Variants in TBC1D14 observed in about 807,000 individuals in gnomAD.
The protein encoded by TBC1D14 is TBC1 domain family member 14, also known as TBC1 domain family, member 14.
In TBC1D14, 26 loss-of-function variants were observed where a neutral mutation model predicts 79.0. That is an observed-to-expected ratio of 0.33 (90% CI 0.24 to 0.46). The LOEUF is 0.46. Among genes scored for constraint, TBC1D14 ranks in the 20% least tolerant of loss-of-function variants. The probability of loss-of-function intolerance (pLI) is 1.00; values close to 1 mark genes in which losing one functional copy is unlikely to be tolerated. For synonymous variants in TBC1D14, 394 were observed against 349.9 expected, an observed-to-expected ratio of 1.13 and a Z score of -1.40; for missense variants, 769 against 887.6, an observed-to-expected ratio of 0.87 and a Z score of 1.70.
At chr4:7,008,000 C>T (rs1032298281) in intron 9 of TBC1D14, among the ~76,000 whole-genome samples, 7 of 152,210 alleles carry the variant, frequency 4.6e-5, no homozygotes, top group Admixed American at 4.6e-4. Flanking sequence ...CACAGATTGC[C>T]TTCCCACTAG....
Position 6,923,353 on chromosome 4 carries a change from C to T in TBC1D14, c.-17-20C>T, listed in dbSNP as rs559729990. ...TGAATTTTATATCCACTTTAATTTCCATGTTTGTGTTTTTTCTAGTTTCTC... is the reference window on the plus strand; with the variant it reads ...TGAATTTTATATCCACTTTAATTTCTATGTTTGTGTTTTTTCTAGTTTCTC... On this transcript the variant is annotated intron_variant, in intron 1 of 13. Coordinates refer to ENST00000409757, the MANE Select transcript of TBC1D14 (RefSeq NM_020773.3). 6.4e-7 allele frequency: 1 copy of T among 1,563,144 alleles called. No homozygotes were observed. Among genetic ancestry groups the T allele is most frequent in the Non-Finnish European group, 8.6e-7 (1 of 1,156,144 alleles).
intron 7 of TBC1D14, among the ~76,000 whole-genome samples, chr4:7,003,849 A>T (rs1719913403): frequency 1.3e-5 from 2 of 152,152 alleles, no homozygotes; most frequent in Non-Finnish European, 1.5e-5. Flanking sequence ...TAAAAAAAAT[A>T]AAAAATTCAC....
intron 2 of TBC1D14, among the ~76,000 whole-genome samples, chr4:6,946,511 C>A (rs1444710532): frequency 6.6e-6 from 1 of 151,982 alleles, no homozygotes; most frequent in Non-Finnish European, 1.5e-5. Flanking sequence ...TTGGTAGAGA[C>A]GGGGTATCAT....
chr4:6,964,923 T>C (rs1715567404), intron 2 of TBC1D14, among the ~76,000 whole-genome samples: 5 of 152,236 alleles, frequency 3.3e-5, no homozygotes, highest in Admixed American at 3.3e-4. Context: ...GCTCCATTTG[T>C]TCTACTTCTC....
At chr4:6,983,281 T>A (rs1238953459) in intron 3 of TBC1D14, among the ~76,000 whole-genome samples, 1 of 152,024 alleles carries the variant, frequency 6.6e-6, no homozygotes, top group Admixed American at 6.6e-5. Context: ...CTTTAAAATA[T>A]ATATATATAT....
chr4:6,994,302 C>T lies in TBC1D14; in HGVS notation c.962C>T (p.Ala321Val), dbSNP rs771221755. ...GCACTCATCCTCGAGGACAGACCAGCGTGAGTTTAAGAAGACTCTCTTTAG... is the reference window on the plus strand; with the variant it reads ...GCACTCATCCTCGAGGACAGACCAGTGTGAGTTTAAGAAGACTCTCTTTAG... The part of the protein sequence containing the change: ...TTALILEDRP[A>V]NLPAKPAEEA... Residue 321 changes from alanine to valine, a missense_variant and splice_region_variant, in exon 4 of 14, where the codon GCA becomes GTA. Coordinates refer to ENST00000409757, the MANE Select transcript of TBC1D14 (RefSeq NM_020773.3). The T allele has an allele frequency of 6.2e-6, 10 of 1,613,150 alleles. No homozygotes were observed. Among genetic ancestry groups the T allele is most frequent in the African/African-American group, 1.3e-5 (1 of 74,992 alleles).
intron 2 of TBC1D14, among the ~76,000 whole-genome samples, chr4:6,948,309 A>G (rs954979636): frequency 6.6e-6 from 1 of 152,144 alleles, no homozygotes; most frequent in African/African-American, 2.4e-5. Context: ...GTCACCACAC[A>G]TGAGCTCTGC....
At chr4:6,962,827 C>T (rs564744772) in intron 2 of TBC1D14, among the ~76,000 whole-genome samples, 1 of 152,316 alleles carries the variant, frequency 6.6e-6, no homozygotes, top group East Asian at 1.9e-4. Context: ...GGGTTGCACT[C>T]CCGTTACCTG....
intron 2 of TBC1D14, among the ~76,000 whole-genome samples, chr4:6,924,524 C>T (rs1203699568): frequency 6.6e-6 from 1 of 152,198 alleles, no homozygotes; most frequent in Admixed American, 6.5e-5. Context: ...TGGCATAGTG[C>T]AGTGCTGGCA....
chr4:6,939,439 C>A (rs1445514397), intron 2 of TBC1D14, among the ~76,000 whole-genome samples: 1 of 152,038 alleles, frequency 6.6e-6, no homozygotes, highest in East Asian at 1.9e-4. Flanking sequence ...ATGCGCACCC[C>A]TCGAGGGACT....
rs1206989319 is a variant in TBC1D14 at position 6,924,909 on chromosome 4, T to C, written c.722+798T>C. Among the ~76,000 whole-genome samples the C allele has an allele frequency of 2.6e-5, 4 of 151,308 alleles. No individual in the cohort carries two copies. In the East Asian group the frequency reaches 7.7e-4, roughly 29 times the overall value. On this transcript the variant is annotated intron_variant, in intron 2 of 13. Transcript: ENST00000409757. ...GCTTGTGGCCTGGGGGTGGTGGGAG[T>C]GGACACCTTCGTCACACAAGCAAAT...
chr4:7,030,306 T>C (rs767555219), intron 13 of TBC1D14, 21 bp from the exon 14 acceptor site: 2 of 1,612,776 alleles, frequency 1.2e-6, no homozygotes, highest in South Asian at 1.1e-5. Flanking sequence ...TAACCTCAGC[T>C]GTCTTCCCTG....
rs1304635100 is a variant in TBC1D14 at position 6,923,453 on chromosome 4, C to T, written c.64C>T (p.Arg22Ter). Residue 22 changes from arginine (R) to a stop codon, truncating the protein, a stop_gained, in exon 2 of 14, where the codon CGA becomes TGA. Coordinates refer to ENST00000409757, the MANE Select transcript of TBC1D14 (RefSeq NM_020773.3). LOFTEE classifies it high-confidence loss of function. ...AGCCTTCATGGGTATTCTGGATGGT[C>T]GACCAGGAAACCCCCTTCAGAACCT... is the stretch of plus-strand genomic sequence containing the variant. ...GVAFMGILDGRPGNPLQNLQH... is the reference protein window; with the variant it reads ...GVAFMGILDG 3.1e-6 allele frequency: 5 copies of T among 1,614,124 alleles called. No homozygotes were observed. Among genetic ancestry groups the T allele is most frequent in the Non-Finnish European group, 4.2e-6 (5 of 1,180,028 alleles).
intron 12 of TBC1D14, among the ~76,000 whole-genome samples, chr4:7,019,231 A>G (rs1721574421): frequency 6.6e-6 from 1 of 152,158 alleles, no homozygotes; most frequent in Non-Finnish European, 1.5e-5. Flanking sequence ...TGTGTTAGCC[A>G]TGATGGTTTC....
At chr4:7,028,297 G>A (rs1302152134) in intron 13 of TBC1D14, among the ~76,000 whole-genome samples, 1 of 152,114 alleles carries the variant, frequency 6.6e-6, no homozygotes, top group Admixed American at 6.5e-5. Context: ...TAGGGACTAG[G>A]TAAAAACTAT....
rs535519544 is a variant in TBC1D14 at position 6,929,991 on chromosome 4, A to G, written c.722+5880A>G. Among the ~76,000 whole-genome samples, 4 of 152,330 alleles carry G rather than the reference A, an allele frequency of 2.6e-5. No individual in the cohort carries two copies. The South Asian group carries it at 8.3e-4, about 32-fold the overall frequency. On this transcript the variant is annotated intron_variant, in intron 2 of 13. Transcript: ENST00000409757. ...GTCCATGCTGTTTCTAAAAAAGACA[A>G]CACCCTGTCTCTTGTAACATGTGTA... is the stretch of plus-strand genomic sequence containing the variant.
intron 11 of TBC1D14, among the ~76,000 whole-genome samples, chr4:7,013,213 TG>T (rs1171249644): frequency 6.6e-6 from 1 of 152,240 alleles, no homozygotes; most frequent in East Asian, 1.9e-4. Flanking sequence ...GGATGTCCTG[TG>T]CGCTGGAGGA....
intron 2 of TBC1D14, among the ~76,000 whole-genome samples, chr4:6,955,426 A>T (rs1378259219): frequency 1.3e-5 from 2 of 152,024 alleles, no homozygotes; most frequent in Admixed American, 1.3e-4. Context: ...TCATGGGAGG[A>T]GGATGTAAAA....
intron 13 of TBC1D14, among the ~76,000 whole-genome samples, chr4:7,029,371 C>T (rs1371373145): frequency 6.6e-6 from 1 of 152,376 alleles, no homozygotes; most frequent in Admixed American, 6.5e-5. Context: ...CACGTCACTT[C>T]CGTACATGTC....
Sources: gnomAD v4.1 joint callset for allele counts (sites outside exome capture counted in the v4.1 genomes callset) on GRCh38, gnomAD v4.1.1 for gene constraint, MANE v1.5 for transcripts, NCBI Gene and HGNC (gene_info 2026-07-23, HGNC 2026-07-21) for gene names.